The following SLC9A9 variants were observed in gnomAD, a reference collection of about 807,000 sequenced individuals.
SLC9A9 encodes the protein sodium/hydrogen exchanger 9.
Under a neutral mutation model 77.8 loss-of-function variants are expected in SLC9A9, and 62 were observed. The observed-to-expected ratio is 0.80, with a 90% CI of 0.65 to 0.98. SLC9A9 has a LOEUF of 0.98. Among genes scored for constraint, SLC9A9 ranks in the 50% least tolerant of loss-of-function variants. The pLI is 0.00. For missense variants in SLC9A9, 775 were observed against 774.9 expected (o/e 1.00, Z 0.00); for synonymous variants, 320 against 283.5 (o/e 1.13, Z -1.29).
chr3:143,730,670 A>T (rs1222682811), intron 4 of SLC9A9, among the ~76,000 whole-genome samples: 1 of 152,200 alleles, frequency 6.6e-6, no homozygotes, highest in Non-Finnish European at 1.5e-5. Context: ...TGAATGCTAT[A>T]AAAGCAGGGT....
intron 9 of SLC9A9, among the ~76,000 whole-genome samples, chr3:143,528,029 C>G (rs1002691012): frequency 6.6e-6 from 1 of 152,202 alleles, no homozygotes; most frequent in African/African-American, 2.4e-5. Context: ...AGGAAGAACA[C>G]TGAAAGCCAG....
At chr3:143,818,024 G>A (rs991322503) in intron 2 of SLC9A9, among the ~76,000 whole-genome samples, 4 of 151,914 alleles carry the variant, frequency 2.6e-5, no homozygotes, top group African/African-American at 7.3e-5. Flanking sequence ...TCTGATTTAA[G>A]CTACACAGAA....
At chr3:143,387,918 T>C (rs1177778813) in intron 12 of SLC9A9, among the ~76,000 whole-genome samples, 3 of 152,214 alleles carry the variant, frequency 2.0e-5, no homozygotes, top group African/African-American at 7.2e-5. Context: ...AAAAAGGCAC[T>C]GAAATACTAC....
At chr3:143,495,556 G>A in intron 9 of SLC9A9, 108 bp from the exon 10 acceptor site, 1 of 839,592 alleles carries the variant, frequency 1.2e-6, no homozygotes, top group Non-Finnish European at 2.0e-6. Flanking sequence ...TTATCTGGAA[G>A]GCCACCCCTT....
chr3:143,552,195 G>A (rs544811267), intron 9 of SLC9A9, among the ~76,000 whole-genome samples, 167 bp downstream of exon 9: 115 of 152,254 alleles, frequency 7.6e-4, no homozygotes, highest in Non-Finnish European at 9.8e-4. Context: ...AATTGTTAAT[G>A]GTTATCCTGG....
At chr3:143,560,281 G>C (rs147502103) in intron 8 of SLC9A9, among the ~76,000 whole-genome samples, 2 of 152,082 alleles carry the variant, frequency 1.3e-5, no homozygotes, top group Admixed American at 1.3e-4. Context: ...TCTCCCTAAC[G>C]GTCTGGGTCT....
At chr3:143,730,281 C>T (rs190669267) in intron 4 of SLC9A9, among the ~76,000 whole-genome samples, 144 of 152,274 alleles carry the variant, frequency 9.5e-4, no homozygotes, top group Non-Finnish European at 7.9e-4. Flanking sequence ...ACTCATCTCC[C>T]GCTCTTCCTC....
chr3:143,596,391 A>G (rs1373975712), intron 6 of SLC9A9, among the ~76,000 whole-genome samples: 1 of 152,208 alleles, frequency 6.6e-6, no homozygotes, highest in Non-Finnish European at 1.5e-5. Flanking sequence ...TTTGGAAGTG[A>G]GTGAAGGATT....
At chr3:143,758,319 C>G (rs2006996870) in intron 4 of SLC9A9, among the ~76,000 whole-genome samples, 2 of 152,298 alleles carry the variant, frequency 1.3e-5, no homozygotes, top group African/African-American at 4.8e-5. Context: ...TAGTGTTACA[C>G]TCAGCAATAG....
At chr3:143,346,779 G>A (rs2032292777) in intron 14 of SLC9A9, among the ~76,000 whole-genome samples, 1 of 152,070 alleles carries the variant, frequency 6.6e-6, no homozygotes, top group Admixed American at 6.6e-5. Context: ...GGCAACAAGA[G>A]TGAAACTCCG....
rs144093961 is a variant in SLC9A9, at chr3:143,668,730, C to T, written c.650-16370G>A. ...GAATGAATCTCTGAAGGTCACCCAC[C>T]ATGTGGTTAGCTCCTCGAGGATCAG... On this transcript the variant is annotated intron_variant, in intron 5 of 15. Transcript: ENST00000316549. Among the ~76,000 whole-genome samples the T allele has an allele frequency of 4.2e-4, 64 of 152,274 alleles. 1 individual carries two copies. The East Asian group carries it at 0.012, about 28-fold the overall frequency.
intron 4 of SLC9A9, among the ~76,000 whole-genome samples, chr3:143,719,193 CT>C (rs1934431320): frequency 1.3e-5 from 2 of 152,134 alleles, no homozygotes; most frequent in Admixed American, 1.3e-4. Context: ...GCGGACAGAT[CT>C]TTGAAGGTAG....
At chr3:143,472,235 A>G (rs567708329) in intron 11 of SLC9A9, among the ~76,000 whole-genome samples, 1 of 152,190 alleles carries the variant, frequency 6.6e-6, no homozygotes, top group Non-Finnish European at 1.5e-5. Context: ...TGACTCTTTT[A>G]AAAGGTAAAC....
At chr3:143,491,382 A>G (rs111266609) in intron 11 of SLC9A9, among the ~76,000 whole-genome samples, 1 of 152,214 alleles carries the variant, frequency 6.6e-6, no homozygotes, top group Non-Finnish European at 1.5e-5. Flanking sequence ...ATGATTATAT[A>G]TAGTTCACAA....
intron 4 of SLC9A9, among the ~76,000 whole-genome samples, chr3:143,745,330 G>T (rs974184121): frequency 6.6e-6 from 1 of 152,152 alleles, no homozygotes; most frequent in African/African-American, 2.4e-5. Flanking sequence ...ACAGCAGAAG[G>T]CTCCAGAGAA....
At chr3:143,605,890 A>G (rs2037914567) in intron 6 of SLC9A9, among the ~76,000 whole-genome samples, 1 of 152,230 alleles carries the variant, frequency 6.6e-6, no homozygotes, top group Non-Finnish European at 1.5e-5. Flanking sequence ...GTGTATATAA[A>G]TTATAACAAT....
chr3:143,353,271 A>ATGTT (rs2032510875), intron 14 of SLC9A9, among the ~76,000 whole-genome samples: 1 of 152,272 alleles, frequency 6.6e-6, no homozygotes, highest in African/African-American at 2.4e-5. Context: ...TGTGGTCTGA[A>ATGTT]TGTTTGTGTC....
At chr3:143,702,453 C>T (rs1218047351) in intron 4 of SLC9A9, among the ~76,000 whole-genome samples, 1 of 151,906 alleles carries the variant, frequency 6.6e-6, no homozygotes. Context: ...TTTATAGGCT[C>T]TCTTTGCTTA....
At chr3:143,597,043 T>G (rs2037764291) in intron 6 of SLC9A9, among the ~76,000 whole-genome samples, 1 of 152,130 alleles carries the variant, frequency 6.6e-6, no homozygotes. Context: ...TTCTTCATGT[T>G]CAGTAAAAAG....
Sources: allele counts gnomAD v4.1 joint callset (sites outside exome capture counted in the v4.1 genomes callset), GRCh38; gene constraint gnomAD v4.1.1; transcripts MANE v1.5; gene names NCBI Gene and HGNC (gene_info 2026-07-23, HGNC 2026-07-21).